The following COL26A1 variants were observed in gnomAD, a reference collection of about 807,000 sequenced individuals.
The protein encoded by COL26A1 is collagen alpha-1(XXVI) chain.
A neutral mutation model predicts 59.3 loss-of-function variants in COL26A1; 41 were observed. That is an observed-to-expected ratio of 0.69 (90% CI 0.54 to 0.90). COL26A1 has a LOEUF of 0.90. COL26A1 is among the 40% of genes least tolerant of loss of function. The pLI is 0.00. For synonymous variants in COL26A1, 266 were observed against 256.0 expected (o/e 1.04, Z -0.37); for missense variants, 612 against 602.3 (o/e 1.02, Z -0.17).
chr7:101,405,129 G>A (rs1792097941), intron 1 of COL26A1, among the ~76,000 whole-genome samples: 1 of 146,574 alleles, frequency 6.8e-6, no homozygotes, highest in Non-Finnish European at 1.5e-5. Flanking sequence ...GACCGAGGCA[G>A]GAGAATGGCG....
chr7:101,512,302 G>A (rs772208663), intron 3 of COL26A1, among the ~76,000 whole-genome samples: 9 of 152,100 alleles, frequency 5.9e-5, no homozygotes, highest in Non-Finnish European at 1.0e-4. Flanking sequence ...GTGTACTCTG[G>A]ATGGGGAAAA....
At chr7:101,494,046 A>C (rs1794528730) in intron 3 of COL26A1, among the ~76,000 whole-genome samples, 1 of 152,220 alleles carries the variant, frequency 6.6e-6, no homozygotes, top group Non-Finnish European at 1.5e-5. Flanking sequence ...TGAGCGGGAA[A>C]GGTATTTCAA....
intron 3 of COL26A1, among the ~76,000 whole-genome samples, chr7:101,513,038 G>A (rs1033267022): frequency 1.3e-5 from 2 of 151,354 alleles, no homozygotes; most frequent in African/African-American, 4.9e-5. Flanking sequence ...ATGAAGTCTC[G>A]CTCTGTCGCC....
At chr7:101,542,426 A>C (rs550566314) in intron 5 of COL26A1, among the ~76,000 whole-genome samples, 2 of 152,238 alleles carry the variant, frequency 1.3e-5, no homozygotes, top group Admixed American at 6.5e-5. Context: ...TAATCTTCAC[A>C]CAAAGCTTGG....
chr7:101,532,239 C>T (rs1795385470), intron 3 of COL26A1, among the ~76,000 whole-genome samples: 1 of 152,146 alleles, frequency 6.6e-6, no homozygotes, highest in African/African-American at 2.4e-5. Context: ...TTCCGGGCTC[C>T]AGTCCCTCCC....
chr7:101,457,128 A>G (rs977492920), intron 3 of COL26A1, among the ~76,000 whole-genome samples: 1 of 152,116 alleles, frequency 6.6e-6, no homozygotes, highest in Admixed American at 6.6e-5. Context: ...TGGGGATGCC[A>G]TCATAGGGGT....
chr7:101,540,094 ACCTTGGGCATGGCCTC>A (rs1562796506), intron 5 of COL26A1, 45 bp downstream of exon 5: 1 of 1,562,780 alleles, frequency 6.4e-7, no homozygotes, highest in Admixed American at 1.9e-5. Context: ...AGCCGAAGGG[ACCTTGGGCATGGCCTC>A]CCAGGGCCTC....
At chr7:101,434,103 C>A in intron 2 of COL26A1, among the ~76,000 whole-genome samples, 1 of 96,420 alleles carries the variant, frequency 1.0e-5, no homozygotes, top group Non-Finnish European at 1.9e-5. Flanking sequence ...TTTCTTTCTG[C>A]TTTCTTTCTT....
chr7:101,405,413 A>G (rs534852865), intron 1 of COL26A1, among the ~76,000 whole-genome samples: 134 of 151,876 alleles, frequency 8.8e-4, no homozygotes, highest in African/African-American at 3.1e-3. Flanking sequence ...AGCTCACTAC[A>G]GCCTTGGACT....
chr7:101,516,418 C>G (rs1328394173), intron 3 of COL26A1, among the ~76,000 whole-genome samples: 1 of 151,956 alleles, frequency 6.6e-6, no homozygotes, highest in Non-Finnish European at 1.5e-5. Context: ...ACTACAGGTG[C>G]GCACCACCAT....
chr7:101,557,384 C>T lies in COL26A1; in HGVS notation c.1180C>T (p.Pro394Ser). 3 of 1,613,400 alleles carry T rather than the reference C, an allele frequency of 1.9e-6. No homozygotes were observed. The highest frequency in any genetic ancestry group is 1.7e-4 in the Middle Eastern group (1 of 6,050). The change falls in exon 13 of 13, where the codon CCA becomes TCA. Residue 394 changes from proline to serine, a missense_variant. Transcript: ENST00000313669. ...TCTCCTTCCAGATCCCCTGGCCTCC[C>T]CAGAGGGAGGTTCTGGCCAGGATGC... is the stretch of plus-strand genomic sequence containing the variant. ...MIGIHDPLAS[P>S]EGGSGQDAAL... is the part of the protein sequence containing the mutation.
chr7:101,509,916 C>T (rs2410853), intron 3 of COL26A1, among the ~76,000 whole-genome samples: 39,619 of 151,372 alleles, frequency 0.26, 7,201 homozygotes, highest in African/African-American at 0.52. Context: ...TTAGTAGAAA[C>T]GGGGTTTCAC....
At chr7:101,499,086 T>A (rs1041130758) in intron 3 of COL26A1, among the ~76,000 whole-genome samples, 11 of 152,118 alleles carry the variant, frequency 7.2e-5, no homozygotes, top group Non-Finnish European at 1.5e-4. Context: ...GCATAGCCCA[T>A]CCCGGGAAGG....
chr7:101,519,124 C>T (rs570363845), intron 3 of COL26A1, among the ~76,000 whole-genome samples: 7 of 152,304 alleles, frequency 4.6e-5, no homozygotes, highest in Non-Finnish European at 1.0e-4. Flanking sequence ...AAGAGGCGAG[C>T]TAAACTCATC....
intron 3 of COL26A1, among the ~76,000 whole-genome samples, chr7:101,498,874 C>T (rs376149481): frequency 1.4e-4 from 22 of 152,150 alleles, no homozygotes; most frequent in Non-Finnish European, 1.8e-4. Context: ...CTCCCCACCG[C>T]GCGCGGCACC....
intron 3 of COL26A1, among the ~76,000 whole-genome samples, chr7:101,509,306 C>T (rs984252727): frequency 2.6e-5 from 4 of 151,732 alleles, no homozygotes; most frequent in African/African-American, 4.8e-5. Context: ...GTTAACCAGA[C>T]GTGGTAGCAG....
At chr7:101,490,236 T>A (rs1794429242) in intron 3 of COL26A1, among the ~76,000 whole-genome samples, 1 of 151,482 alleles carries the variant, frequency 6.6e-6, no homozygotes, top group Non-Finnish European at 1.5e-5. Context: ...GTGCCGGGCC[T>A]TTTTAAAATT....
intron 2 of COL26A1, among the ~76,000 whole-genome samples, chr7:101,441,709 G>A (rs1285800990): frequency 1.3e-5 from 2 of 152,150 alleles, no homozygotes; most frequent in Non-Finnish European, 2.9e-5. Context: ...GAGGGCTCCC[G>A]CCTGGTGGGT....
At chr7:101,509,534 G>T (rs1457912265) in intron 3 of COL26A1, among the ~76,000 whole-genome samples, 1 of 152,138 alleles carries the variant, frequency 6.6e-6, no homozygotes, top group East Asian at 1.9e-4. Flanking sequence ...TCTCACTAAG[G>T]CTGGTAAACT....
Sources: gnomAD v4.1 joint callset for allele counts (sites outside exome capture counted in the v4.1 genomes callset) on GRCh38, gnomAD v4.1.1 for gene constraint, MANE v1.5 for transcripts, NCBI Gene and HGNC (gene_info 2026-07-23, HGNC 2026-07-21) for gene names.